P4HTM: variants seen among roughly 807,000 people sequenced by gnomAD.
P4HTM encodes the protein transmembrane prolyl 4-hydroxylase.
A neutral mutation model predicts 55.3 loss-of-function variants in P4HTM; 33 were observed. That is an observed-to-expected ratio of 0.60 (90% CI 0.45 to 0.80). The LOEUF (loss-of-function observed/expected upper bound fraction) is 0.80, where lower values mean the gene tolerates loss of function less well. P4HTM is among the 30% of genes least tolerant of loss of function. P4HTM has a pLI of 0.00. For missense variants in P4HTM, 542 were observed against 696.5 expected (o/e 0.78, Z 2.50); for synonymous variants, 272 against 286.4 (o/e 0.95, Z 0.51).
At chr3:48,994,273 G>A (rs2092939122) in intron 2 of P4HTM, among the ~76,000 whole-genome samples, 1 of 152,198 alleles carries the variant, frequency 6.6e-6, no homozygotes. Context: ...CCTCTGCCAT[G>A]CTGTTCTTGG....
At chr3:48,994,639 G>C (rs1479243761) in intron 2 of P4HTM, among the ~76,000 whole-genome samples, 2 of 152,134 alleles carry the variant, frequency 1.3e-5, no homozygotes, top group African/African-American at 4.8e-5. Flanking sequence ...GCACCATCCT[G>C]TTCAGAACAG....
At chr3:48,993,707 C>A (rs1408076637) in intron 2 of P4HTM, among the ~76,000 whole-genome samples, 1 of 151,472 alleles carries the variant, frequency 6.6e-6, no homozygotes, top group Non-Finnish European at 1.5e-5. Flanking sequence ...ACTAAAAATA[C>A]AAAAATTAGC....
intron 5 of P4HTM, chr3:49,004,653 G>T: frequency 1.7e-6 from 1 of 598,888 alleles, no homozygotes; most frequent in Non-Finnish European, 3.0e-6. Context: ...CACATAGCAG[G>T]TGTCTCTGTC....
chr3:49,002,650 A>T lies in P4HTM; in HGVS notation c.724+54A>T. 7.2e-7 allele frequency: 1 copy of T among 1,398,284 alleles called. No individual in the cohort carries two copies. The allele number at this position is 1,398,284 out of a possible 1,614,324, so 86.6% of individuals were successfully genotyped here. A position where few individuals can be genotyped will look rare whatever the true frequency, so the allele number is the denominator to read the frequency against. Reference sequence around the variant, plus strand: ...CCCCGTGAGCCTCCTGCCCACTCCCAGGTGCACAATTTTGAAAACTTGGGC... The same window carrying T: ...CCCCGTGAGCCTCCTGCCCACTCCCTGGTGCACAATTTTGAAAACTTGGGC... On this transcript the variant is annotated intron_variant, in intron 4 of 8. Transcript: ENST00000383729. This position sits in a 1 kb window ranked among gnomAD's most constrained non-coding sequence, Gnocchi z 4.4.
chr3:49,001,179 G>A (rs2092959958), intron 2 of P4HTM: 1 of 519,740 alleles, frequency 1.9e-6, no homozygotes, highest in Non-Finnish European at 3.5e-6. Context: ...GTTAGCTCTG[G>A]CTCACCTCCC....
intron 5 of P4HTM, 185 bp from the exon 6 acceptor site, chr3:49,004,676 G>A: frequency 3.2e-6 from 2 of 626,466 alleles, no homozygotes; most frequent in East Asian, 2.7e-5. Context: ...TGGCATCTGA[G>A]GGAGAAGGAT....
chr3:48,995,296 G>C (rs2092942478), intron 2 of P4HTM, among the ~76,000 whole-genome samples: 2 of 151,996 alleles, frequency 1.3e-5, no homozygotes, highest in Non-Finnish European at 2.9e-5. Context: ...TCACTAAAAG[G>C]CTTAGACCTG....
At position 49,006,128 on chromosome 3, in the gene P4HTM, G is replaced by T; in HGVS notation, c.1229G>T (p.Arg410Leu). 1.2e-6 allele frequency: 2 copies of T among 1,612,978 alleles called. No homozygotes were observed. The highest frequency in any genetic ancestry group is 8.5e-7 in the Non-Finnish European group (1 of 1,179,952). ...TRRHCDKGNL[R>L]VKPQQGTAVF... The stretch of plus-strand genomic sequence containing the variant: ...AGGCACTGTGACAAGGGAAACCTGC[G>T]TGTCAAGCCCCAACAGGGCACAGCA... Residue 410 changes from arginine to leucine, a missense_variant, in exon 8 of 9, where the codon CGT becomes CTT. Transcript: ENST00000383729.
Position 48,990,934 on chromosome 3 carries a change from C to T in P4HTM, c.436+20C>T. ...TCTTCGGTAAGTCCGCCAGATACTCCTGGGAAGGGCCAGGGGCTGCGGTTT... is the reference window on the plus strand; with the variant it reads ...TCTTCGGTAAGTCCGCCAGATACTCTTGGGAAGGGCCAGGGGCTGCGGTTT... On this transcript the variant is annotated intron_variant, in intron 2 of 8. Transcript: ENST00000383729. This position sits in a 1 kb window ranked among gnomAD's most constrained non-coding sequence, Gnocchi z 7.2. The T allele has an allele frequency of 1.2e-6, 2 of 1,603,712 alleles. No individual in the cohort carries two copies. The highest frequency in any genetic ancestry group is 1.7e-6 in the Non-Finnish European group (2 of 1,171,150).
At chr3:49,001,772 G>A in intron 3 of P4HTM, 144 bp downstream of exon 3, 1 of 696,232 alleles carries the variant, frequency 1.4e-6, no homozygotes. Context: ...GACCCAGGAG[G>A]TCCCCTTTCC....
chr3:49,004,206 C>T lies in P4HTM; in HGVS notation c.833C>T (p.Thr278Ile). The T allele has an allele frequency of 6.5e-7, 1 of 1,549,396 alleles. No homozygotes were observed. Among genetic ancestry groups the T allele is most frequent in the Non-Finnish European group, 8.7e-7 (1 of 1,146,844 alleles). Reference protein sequence around the residue: ...SSELVRNSHHTWLYQGEGAHH... With the variant: ...SSELVRNSHHIWLYQGEGAHH... ...GAGCTGGTGCGGAACAGCCACCATACCTGGCTCTACCAGGGTGAGGGTGCC... is the reference window on the plus strand; with the variant it reads ...GAGCTGGTGCGGAACAGCCACCATATCTGGCTCTACCAGGGTGAGGGTGCC... The change falls in exon 5 of 9, where the codon ACC becomes ATC. Residue 278 changes from threonine (T) to isoleucine (I), a missense_variant. Physicochemically the swap from Thr to Ile is moderately conservative, Grantham distance 89. Transcript: ENST00000383729.
chr3:48,990,181 G>A (rs1333683096), upstream of P4HTM: 4 of 1,092,600 alleles, frequency 3.7e-6, no homozygotes, highest in Non-Finnish European at 4.4e-6. The surrounding 1 kb of genome is among the most constrained non-coding windows in gnomAD (Gnocchi z 7.2). Context: ...CGGGCCTGGC[G>A]GCCGTTGTCC....
At position 48,992,610 on chromosome 3, in the gene P4HTM, G is replaced by GA. The variant is rs1190495096; in HGVS notation, c.436+1707dup. 4.7e-3 allele frequency among the ~76,000 whole-genome samples: 424 copies of GA among 90,452 alleles called. 2 individuals carry two copies. The highest frequency in any genetic ancestry group is 0.024 in the East Asian group (69 of 2,856). The allele number at this position is 90,452 out of a possible 152,430, so 59.3% of individuals were successfully genotyped here. On this transcript the variant is annotated intron_variant, in intron 2 of 8. Coordinates refer to ENST00000383729, the MANE Select transcript of P4HTM (RefSeq NM_177939.3). The stretch of plus-strand genomic sequence containing the variant: ...AACAGAGAGAGACCCCTATCTCAAA[G>GA]AAAAAAAAAAATAGCAGACAGTAAG...
In P4HTM at chr3:49,007,127, C is replaced by A; in HGVS notation, c.*220C>A. On this transcript the variant is annotated 3_prime_UTR_variant, in exon 9 of 9. Transcript: ENST00000383729. The surrounding 1 kb of genome is among the most constrained non-coding windows in gnomAD (Gnocchi z 5.1). ...ACCACAAGGTTCGAGCCGCCGGGCCCGACAAACTCCGGGTCGGCGAAACAG... is the reference window on the plus strand; with the variant it reads ...ACCACAAGGTTCGAGCCGCCGGGCCAGACAAACTCCGGGTCGGCGAAACAG... The A allele has an allele frequency of 1.4e-6, 1 of 698,414 alleles. No individual in the cohort carries two copies. Among genetic ancestry groups the A allele is most frequent in the Non-Finnish European group, 2.3e-6 (1 of 427,820 alleles). The allele number at this position is 698,414 out of a possible 1,614,324, so 43.3% of individuals were successfully genotyped here.
rs573530196 is a variant in P4HTM, at chr3:49,005,608, G to A, written c.1074-169G>A. 1.9e-5 allele frequency: 27 copies of A among 1,415,132 alleles called. No individual in the cohort carries two copies. In the South Asian group the frequency reaches 2.4e-4, roughly 13 times the overall value. 87.7% of individuals were successfully genotyped at this position (1,415,132 alleles called of 1,614,324 possible). A position where few individuals can be genotyped will look rare whatever the true frequency, so the allele number is the denominator to read the frequency against. ...AACTCACAGTAAGAGACTGGGTTTC[G>A]GGGAAGGAGGGGCTAGGGACATTTT... On this transcript the variant is annotated intron_variant, in intron 6 of 8. Coordinates refer to ENST00000383729, the MANE Select transcript of P4HTM (RefSeq NM_177939.3).
Position 49,004,227 on chromosome 3 carries a change from G to T in P4HTM, c.854G>T (p.Gly285Val), listed in dbSNP as rs1377258434. 9.0e-6 allele frequency: 14 copies of T among 1,548,798 alleles called. No homozygotes were observed. The Admixed American group carries it at 2.4e-4, about 26-fold the overall frequency. The change falls in exon 5 of 9, where the codon GGT (glycine) becomes GTT (valine). Residue 285 changes from glycine (G) to valine (V), a missense_variant. Coordinates refer to ENST00000383729, the MANE Select transcript of P4HTM (RefSeq NM_177939.3). ...CATACCTGGCTCTACCAGGGTGAGG[G>T]TGCCCACCACATCATGCGTGCCATC... ...SHHTWLYQGE[G>V]AHHIMRAIRQ...
chr3:48,990,645 C>T lies in P4HTM; in HGVS notation c.354+35C>T. 6.6e-7 allele frequency: 1 copy of T among 1,513,360 alleles called. No homozygotes were observed. The highest frequency in any genetic ancestry group is 8.9e-7 in the Non-Finnish European group (1 of 1,129,290). 93.7% of individuals were successfully genotyped at this position (1,513,360 alleles called of 1,614,324 possible). A position where few individuals can be genotyped will look rare whatever the true frequency, so the allele number is the denominator to read the frequency against. Reference sequence around the variant, plus strand: ...TCCCTGCCCCGCCGCGCTCCAGGCCCTGCACGGCTGAGCCCGAGAGGACCG... The same window carrying T: ...TCCCTGCCCCGCCGCGCTCCAGGCCTTGCACGGCTGAGCCCGAGAGGACCG... On this transcript the variant is annotated intron_variant, in intron 1 of 8. Transcript: ENST00000383729. The surrounding 1 kb of genome is among the most constrained non-coding windows in gnomAD (Gnocchi z 7.2).
At chr3:48,996,059 A>G (rs1440009575) in intron 2 of P4HTM, 1 of 152,202 alleles carries the variant, frequency 6.6e-6, no homozygotes, top group Non-Finnish European at 1.5e-5. Context: ...TTTTCTTAAC[A>G]ATTTGAGGTA....
chr3:48,990,279 G>A lies in P4HTM; in HGVS notation c.23G>A (p.Gly8Asp). 7.9e-7 allele frequency: 1 copy of A among 1,260,870 alleles called. No homozygotes were observed. The highest frequency in any genetic ancestry group is 1.0e-6 in the Non-Finnish European group (1 of 1,004,662). The allele number at this position is 1,260,870 out of a possible 1,614,324, so 78.1% of individuals were successfully genotyped here. A position where few individuals can be genotyped will look rare whatever the true frequency, so the allele number is the denominator to read the frequency against. MAAAAVT[G>D]QRPETAAAEE... ...GCCATGGCGGCAGCGGCGGTGACAG[G>A]CCAGCGGCCTGAGACCGCGGCGGCC... Residue 8 changes from glycine (G) to aspartate (D), a missense_variant, in exon 1 of 9, where the codon GGC becomes GAC. This residue lies in a region of P4HTM where 6 missense variants were observed against 24.4 expected (regional missense o/e 0.25). Transcript: ENST00000383729. The surrounding 1 kb of genome is among the most constrained non-coding windows in gnomAD (Gnocchi z 7.2).
Sources: allele counts gnomAD v4.1 joint callset (sites outside exome capture counted in the v4.1 genomes callset), GRCh38; gene constraint gnomAD v4.1.1; regional missense constraint gnomAD v4.1.1; non-coding constraint Gnocchi (gnomAD v3.1); transcripts MANE v1.5; gene names NCBI Gene and HGNC (gene_info 2026-07-23, HGNC 2026-07-21).